LMX1A: variants seen among roughly 807,000 people sequenced by gnomAD.
The protein encoded by LMX1A is LIM homeobox transcription factor 1 alpha, also known as LIM homeobox transcription factor 1-alpha.
A neutral mutation model predicts 49.1 loss-of-function variants in LMX1A; 15 were observed. That is an observed-to-expected ratio of 0.31 (90% CI 0.20 to 0.47). The LOEUF is 0.47. Ranked by LOEUF, LMX1A falls within the 20% of genes least tolerant of loss-of-function variation. The probability of loss-of-function intolerance (pLI) is 1.00; values close to 1 mark genes in which losing one functional copy is unlikely to be tolerated. For synonymous variants in LMX1A, 167 were observed against 185.7 expected, an observed-to-expected ratio of 0.90 and a Z score of 0.82; for missense variants, 372 against 475.8, an observed-to-expected ratio of 0.78 and a Z score of 2.03.
intron 4 of LMX1A, among the ~76,000 whole-genome samples, chr1:165,245,830 C>A (rs1247765043): frequency 6.6e-6 from 1 of 152,002 alleles, no homozygotes; most frequent in Admixed American, 6.6e-5. Context: ...GCTGTCTTTG[C>A]GCGGTTCTGC....
chr1:165,297,038 G>A (rs1654639846), intron 3 of LMX1A, among the ~76,000 whole-genome samples: 1 of 152,210 alleles, frequency 6.6e-6, no homozygotes, highest in African/African-American at 2.4e-5. Flanking sequence ...CTGTGTGTCT[G>A]TCTCCCCCAG....
rs79144199 is a variant in LMX1A at position 165,334,827 on chromosome 1, G to A, written c.263+18249C>T. Reference sequence around the variant, plus strand: ...CTCTTGATCTCCTGAGAGAAGGGCAGAAGCCCTCCAGGAATGCCCAGTCTC... The same window carrying A: ...CTCTTGATCTCCTGAGAGAAGGGCAAAAGCCCTCCAGGAATGCCCAGTCTC... On this transcript the variant is annotated intron_variant, in intron 3 of 8. Transcript: ENST00000342310. Among the ~76,000 whole-genome samples the A allele has an allele frequency of 9.6e-3, 1,466 of 152,296 alleles. 16 individuals are homozygous for A. The highest frequency in any genetic ancestry group is 0.033 in the African/African-American group (1,370 of 41,576).
At chr1:165,246,123 A>G (rs1652841699) in intron 4 of LMX1A, among the ~76,000 whole-genome samples, 1 of 152,118 alleles carries the variant, frequency 6.6e-6, no homozygotes, top group Non-Finnish European at 1.5e-5. Context: ...AATGAGATGG[A>G]CTTCATTCCA....
intron 3 of LMX1A, among the ~76,000 whole-genome samples, chr1:165,301,387 A>T (rs557487067): frequency 6.6e-6 from 1 of 151,504 alleles, no homozygotes; most frequent in Non-Finnish European, 1.5e-5. Flanking sequence ...ACACACACAC[A>T]CTTCTCTGCC....
chr1:165,301,059 G>A (rs1370177677), intron 3 of LMX1A, among the ~76,000 whole-genome samples: 1 of 152,168 alleles, frequency 6.6e-6, no homozygotes, highest in Non-Finnish European at 1.5e-5. Flanking sequence ...ACTGCCCACT[G>A]TGCAAATATG....
chr1:165,247,481 A>T (rs2102635683), intron 4 of LMX1A, among the ~76,000 whole-genome samples: 1 of 152,298 alleles, frequency 6.6e-6, no homozygotes, highest in East Asian at 1.9e-4. Flanking sequence ...AAGATACTCC[A>T]TATGTTAGTG....
chr1:165,330,393 C>T (rs974655561), intron 3 of LMX1A, among the ~76,000 whole-genome samples: 1 of 152,178 alleles, frequency 6.6e-6, no homozygotes, highest in Admixed American at 6.5e-5. Flanking sequence ...ATTGGTTGAA[C>T]CCAGGAGGTT....
At chr1:165,280,506 T>C (rs1365423800) in intron 3 of LMX1A, among the ~76,000 whole-genome samples, 3 of 152,240 alleles carry the variant, frequency 2.0e-5, no homozygotes, top group Non-Finnish European at 4.4e-5. Flanking sequence ...CTCATATTTA[T>C]TCAATGCTGC....
chr1:165,208,830 C>T (rs184267105), intron 6 of LMX1A, among the ~76,000 whole-genome samples: 71 of 152,110 alleles, frequency 4.7e-4, no homozygotes, highest in African/African-American at 1.7e-3. Context: ...TGTATTTTTA[C>T]TAGAGACGGG....
chr1:165,263,732 A>C (rs1481493242), intron 3 of LMX1A, among the ~76,000 whole-genome samples: 2 of 152,176 alleles, frequency 1.3e-5, no homozygotes, highest in Non-Finnish European at 2.9e-5. Flanking sequence ...CCCATTTTCC[A>C]GACAAGAAAA....
At chr1:165,304,131 T>C (rs771780276) in intron 3 of LMX1A, among the ~76,000 whole-genome samples, 1 of 152,098 alleles carries the variant, frequency 6.6e-6, no homozygotes, top group Middle Eastern at 3.2e-3. Flanking sequence ...CTCCACTCTT[T>C]ACTAATAGGG....
At chr1:165,204,367 A>G (rs1018067672) in intron 8 of LMX1A, among the ~76,000 whole-genome samples, 11 of 152,200 alleles carry the variant, frequency 7.2e-5, no homozygotes, top group African/African-American at 2.7e-4. Flanking sequence ...GGCCTGAAAA[A>G]TGATGCTTGA....
At chr1:165,204,499 T>C (rs979193484) in intron 8 of LMX1A, among the ~76,000 whole-genome samples, 1 of 152,242 alleles carries the variant, frequency 6.6e-6, no homozygotes, top group Non-Finnish European at 1.5e-5. Context: ...TACTATCAGC[T>C]GTTACCCCAA....
chr1:165,344,551 G>C (rs987830993), intron 3 of LMX1A, among the ~76,000 whole-genome samples: 2 of 152,224 alleles, frequency 1.3e-5, no homozygotes, highest in African/African-American at 2.4e-5. Flanking sequence ...TCTTTGGAAA[G>C]GAGGCTGAAA....
intron 3 of LMX1A, among the ~76,000 whole-genome samples, chr1:165,293,592 T>C (rs1161611239): frequency 6.6e-6 from 1 of 152,258 alleles, no homozygotes; most frequent in Admixed American, 6.5e-5. Context: ...TGTTGTGTGT[T>C]ATAGTCCATT....
chr1:165,328,833 C>T (rs1160712839), intron 3 of LMX1A, among the ~76,000 whole-genome samples: 1 of 152,220 alleles, frequency 6.6e-6, no homozygotes, highest in African/African-American at 2.4e-5. Flanking sequence ...GAAATAATCT[C>T]AGCTCACAGT....
At chr1:165,233,246 C>T (rs34108363) in intron 4 of LMX1A, among the ~76,000 whole-genome samples, 44 of 152,194 alleles carry the variant, frequency 2.9e-4, no homozygotes, top group African/African-American at 9.1e-4. Flanking sequence ...CTTGAGCCTA[C>T]GCATTCAAGA....
At chr1:165,213,592 C>T (rs745795684) in intron 5 of LMX1A, 49 bp downstream of exon 5, 4 of 1,550,518 alleles carry the variant, frequency 2.6e-6, no homozygotes, top group Non-Finnish European at 3.5e-6. Flanking sequence ...TCTGAGTGCA[C>T]ACAGAGAAGT....
intron 4 of LMX1A, among the ~76,000 whole-genome samples, chr1:165,224,175 C>G (rs115433941): frequency 1.3e-5 from 2 of 152,110 alleles, no homozygotes; most frequent in Non-Finnish European, 2.9e-5. Flanking sequence ...TGCTTCTTCT[C>G]CACCATGTAA....
Sources: allele counts gnomAD v4.1 joint callset (sites outside exome capture counted in the v4.1 genomes callset), GRCh38; gene constraint gnomAD v4.1.1; transcripts MANE v1.5; gene names NCBI Gene and HGNC (gene_info 2026-07-23, HGNC 2026-07-21).